NOC3L: variants seen among roughly 807,000 people sequenced by gnomAD.
NOC3L encodes NOC3 like DNA replication regulator, also known as nucleolar complex protein 3 homolog.
In NOC3L, 85 loss-of-function variants were observed where a neutral mutation model predicts 102.5. That is an observed-to-expected ratio of 0.83 (90% confidence interval 0.70 to 0.99). The LOEUF (loss-of-function observed/expected upper bound fraction) is 0.99, where lower values mean the gene tolerates loss of function less well. NOC3L is among the 50% of genes least tolerant of loss of function. The probability of loss-of-function intolerance (pLI) is 0.00; values close to 1 mark genes in which losing one functional copy is unlikely to be tolerated. For synonymous variants in NOC3L, 303 were observed against 309.4 expected, an observed-to-expected ratio of 0.98 and a Z score of 0.22; for missense variants, 878 against 914.9, an observed-to-expected ratio of 0.96 and a Z score of 0.52.
At chr10:94,316,667 G>T in the NOC3L span, 1 of 1,613,550 alleles carries the variant, frequency 6.2e-7, no homozygotes, top group Non-Finnish European at 8.5e-7. Context: ...GAGAGCCATT[G>T]GTCCAGAAGA....
downstream of NOC3L, chr10:94,329,197 A>G (rs1354138157): frequency 4.6e-5 from 7 of 152,240 alleles, no homozygotes; most frequent in African/African-American, 1.7e-4. Flanking sequence ...CATACTTGCC[A>G]TTTAATGTAA....
In NOC3L at chr10:94,333,509, G is replaced by C. The variant is rs1048896345; in HGVS notation, c.*668C>G. 6.6e-6 allele frequency: 1 copy of C among 152,098 alleles called. No individual in the cohort carries two copies. Among genetic ancestry groups the C allele is most frequent in the African/African-American group, 2.4e-5 (1 of 41,416 alleles). The allele number at this position is 152,098 out of a possible 1,614,324, so 9.4% of individuals were successfully genotyped here. ...AATTCTTCCCCAGTCACCCTCCAGGGAATGTCAGAAAACGTGAAGAACTTT... is the reference window on the plus strand; with the variant it reads ...AATTCTTCCCCAGTCACCCTCCAGGCAATGTCAGAAAACGTGAAGAACTTT... On this transcript the variant is annotated 3_prime_UTR_variant, in exon 21 of 21. Transcript: ENST00000371361.
the NOC3L span, chr10:94,325,270 T>A: frequency 4.1e-5 from 25 of 612,934 alleles, no homozygotes; most frequent in East Asian, 6.3e-4. Context: ...AAGATATGTG[T>A]AACATGATAT....
At position 94,338,735 on chromosome 10, in the gene NOC3L, G is replaced by A. The variant is rs756972913; in HGVS notation, c.1964C>T (p.Thr655Ile). The change falls in exon 18 of 21, where the codon ACT becomes ATT. Residue 655 changes from threonine (T) to isoleucine (I), a missense_variant and splice_region_variant. By Grantham distance (89) the Thr-to-Ile change is moderately conservative. Transcript: ENST00000371361. ...AAGCAGTAGATCTGTTTTGGGGAAA[G>A]TCTGCAAAAATGTCACATAAAAAGA... is the stretch of plus-strand genomic sequence containing the variant. ...ILATTRILMHTFPKTDLLLDS... is the reference protein window; with the variant it reads ...ILATTRILMHIFPKTDLLLDS... 4 of 1,609,608 alleles carry A rather than the reference G, an allele frequency of 2.5e-6. No homozygotes were observed. The South Asian group carries it at 4.4e-5, about 18-fold the overall frequency.
the NOC3L span, chr10:94,324,564 G>A: frequency 1.2e-6 from 2 of 1,611,812 alleles, no homozygotes; most frequent in Non-Finnish European, 1.7e-6. Flanking sequence ...AGGAGCAGGT[G>A]CAGGTAAAGT....
intron 8 of NOC3L, among the ~76,000 whole-genome samples, chr10:94,351,446 TAA>T (rs1012340426): frequency 2.6e-5 from 4 of 152,224 alleles, no homozygotes; most frequent in Non-Finnish European, 5.9e-5. Flanking sequence ...CTGAAGAGTT[TAA>T]GAGTTTATCA....
chr10:94,340,431 A>T lies in NOC3L; in HGVS notation c.1708+2T>A, dbSNP rs1270069937. 1.4e-6 allele frequency: 2 copies of T among 1,418,182 alleles called. No individual in the cohort carries two copies. The highest frequency in any genetic ancestry group is 1.9e-6 in the Non-Finnish European group (2 of 1,058,334). The allele number at this position is 1,418,182 out of a possible 1,614,324, so 87.8% of individuals were successfully genotyped here. ...CAAAACTTGATTAAGAAAATATCAT[A>T]CCTTGTCCAGAAAGAATATGAAAAG... On this transcript the variant is annotated splice_donor_variant, in intron 15 of 20. Transcript: ENST00000371361. LOFTEE classifies it high-confidence loss of function.
chr10:94,327,550 TAG>T, the NOC3L span, among the ~76,000 whole-genome samples: 1 of 152,134 alleles, frequency 6.6e-6, no homozygotes, highest in African/African-American at 2.4e-5. Flanking sequence ...AAAAGAAAGT[TAG>T]TTTAGTATTG....
intron 13 of NOC3L, among the ~76,000 whole-genome samples, chr10:94,343,916 A>G (rs891306529): frequency 2.5e-4 from 38 of 152,214 alleles, no homozygotes; most frequent in African/African-American, 8.2e-4. Flanking sequence ...ATAGGATACC[A>G]CCTCAAAAAA....
At chr10:94,357,415 A>C in intron 3 of NOC3L, 84 bp from the exon 4 acceptor site, 1 of 1,238,702 alleles carries the variant, frequency 8.1e-7, no homozygotes, top group Non-Finnish European at 1.1e-6. Context: ...AGTACAGAAA[A>C]ACCACCAGCC....
At chr10:94,318,051 G>C in the NOC3L span, among the ~76,000 whole-genome samples, 1 of 152,262 alleles carries the variant, frequency 6.6e-6, no homozygotes, top group African/African-American at 2.4e-5. Flanking sequence ...CACAGTGAGT[G>C]AATGTGACCT....
chr10:94,332,601 C>T (rs1172554130), downstream of NOC3L: 2 of 150,150 alleles, frequency 1.3e-5, no homozygotes, highest in East Asian at 2.0e-4. Context: ...AAATATATTT[C>T]CTCAAATTCA....
chr10:94,335,496 G>A (rs754034008), intron 19 of NOC3L, among the ~76,000 whole-genome samples: 19 of 151,814 alleles, frequency 1.3e-4, no homozygotes, highest in Non-Finnish European at 1.9e-4. Flanking sequence ...AAGTGTGAGG[G>A]AAGAAAAAGT....
the NOC3L span, among the ~76,000 whole-genome samples, chr10:94,326,613 A>C: frequency 3.5e-4 from 53 of 152,260 alleles, no homozygotes; most frequent in Non-Finnish European, 5.9e-5. Context: ...TAAGTACAGA[A>C]GAATACAACT....
At position 94,340,500 on chromosome 10, in the gene NOC3L, TAA is replaced by T. The variant is rs34713827; in HGVS notation, c.1645-6_1645-5del. On this transcript the variant is annotated splice_polypyrimidine_tract_variant and splice_region_variant and intron_variant, in intron 14 of 20. Transcript: ENST00000371361. Reference sequence around the variant, plus strand: ...GACTTTCTTGATAGCTTAGGTCCTTTAAAAAAAAAAGGGGGGGGTGAGGGGGA... The same window carrying T: ...GACTTTCTTGATAGCTTAGGTCCTTTAAAAAAAAGGGGGGGGTGAGGGGGA... 125 of 755,064 alleles carry T rather than the reference TAA, an allele frequency of 1.7e-4. No homozygotes were observed. Among genetic ancestry groups the T allele is most frequent in the Middle Eastern group, 3.8e-4 (1 of 2,634 alleles). 46.8% of individuals were successfully genotyped at this position (755,064 alleles called of 1,614,324 possible).
intron 18 of NOC3L, 66 bp downstream of exon 18, chr10:94,338,542 A>T: frequency 7.1e-7 from 1 of 1,400,818 alleles, no homozygotes. Flanking sequence ...CAACTATTTG[A>T]AGAAAAACTG....
the NOC3L span, among the ~76,000 whole-genome samples, chr10:94,322,610 C>A: frequency 2.0e-5 from 3 of 152,034 alleles, no homozygotes; most frequent in Admixed American, 1.3e-4. Flanking sequence ...CATGGTGAAA[C>A]CCCATCTCTA....
rs776255485 is a variant in NOC3L, at chr10:94,355,139, T to G, written c.566-46A>C. On this transcript the variant is annotated intron_variant, in intron 5 of 20. Coordinates refer to ENST00000371361, the MANE Select transcript of NOC3L (RefSeq NM_022451.11). ...CCTTACATATTCCTCTGCTTACAAG[T>G]ATCCAAGAATCTTAATAAAATATTT... 1.3e-5 allele frequency: 20 copies of G among 1,489,568 alleles called. No individual in the cohort carries two copies. In the Admixed American group the frequency reaches 4.1e-4, roughly 31 times the overall value. The allele number at this position is 1,489,568 out of a possible 1,614,324, so 92.3% of individuals were successfully genotyped here. A position where few individuals can be genotyped will look rare whatever the true frequency, so the allele number is the denominator to read the frequency against.
In NOC3L at chr10:94,344,463, T is replaced by G. The variant is rs148299165; in HGVS notation, c.1523A>C (p.Lys508Thr). ...TGGCAGGAGAGGTGACCTCTGGGCC[T>G]TCTTCAATATTCTGAAGTAGGTTAC... ...VFVTYFRILK[K>T]AQRSPLLPAV... The change falls in exon 13 of 21, where the codon AAG (lysine) becomes ACG (threonine). Residue 508 changes from lysine (K) to threonine (T), a missense_variant. Transcript: ENST00000371361. 9 of 1,613,760 alleles carry G rather than the reference T, an allele frequency of 5.6e-6. No individual in the cohort carries two copies. The African/African-American group carries it at 9.3e-5, about 17-fold the overall frequency.
Sources: gnomAD v4.1 joint callset for allele counts (sites outside exome capture counted in the v4.1 genomes callset) on GRCh38, gnomAD v4.1.1 for gene constraint, MANE v1.5 for transcripts, NCBI Gene and HGNC (gene_info 2026-07-23, HGNC 2026-07-21) for gene names.